The following USH2A variants were observed in gnomAD, a reference collection of about 807,000 sequenced individuals.
USH2A encodes the protein usherin.
Under a neutral mutation model 538.9 loss-of-function variants are expected in USH2A, and 443 were observed. The ratio of observed to expected loss-of-function variants is 0.82; its 90% CI spans 0.76 to 0.89. The LOEUF (loss-of-function observed/expected upper bound fraction) is 0.89, where lower values mean the gene tolerates loss of function less well. USH2A is among the 40% of genes least tolerant of loss of function. USH2A has a pLI of 0.00. For synonymous variants in USH2A, 2,413 were observed against 2,273.5 expected (o/e 1.06, Z -1.75); for missense variants, 6,633 against 6,324.8 (o/e 1.05, Z -1.65).
chr1:215,935,073 T>A lies in USH2A; in HGVS notation c.7121-278A>T, dbSNP rs1418939521. Among the ~76,000 whole-genome samples the A allele has an allele frequency of 2.0e-5, 3 of 152,166 alleles. No homozygotes were observed. In the East Asian group the frequency reaches 5.8e-4, roughly 29 times the overall value. ...TAGATAACTGTAGGATAAAGCCATATCACAAGTATCAAGCATATAAGTAAA... is the reference window on the plus strand; with the variant it reads ...TAGATAACTGTAGGATAAAGCCATAACACAAGTATCAAGCATATAAGTAAA... On this transcript the variant is annotated intron_variant, in intron 37 of 71. Coordinates refer to ENST00000307340, the MANE Select transcript of USH2A (RefSeq NM_206933.4).
At chr1:216,352,735 G>A (rs116341224) in intron 4 of USH2A, among the ~76,000 whole-genome samples, 2,710 of 152,222 alleles carry the variant, frequency 0.018, 30 homozygotes, top group Non-Finnish European at 0.028. Context: ...GGGGAAAAAT[G>A]AGGCAAGATA....
chr1:216,314,406 T>C (rs1030095312), intron 9 of USH2A, among the ~76,000 whole-genome samples: 17 of 152,132 alleles, frequency 1.1e-4, no homozygotes, highest in African/African-American at 4.1e-4. Context: ...TGAATGCTAG[T>C]TATATAAAAA....
intron 26 of USH2A, among the ~76,000 whole-genome samples, chr1:216,081,009 C>A (rs752532464): frequency 5.3e-5 from 8 of 151,796 alleles, no homozygotes; most frequent in Non-Finnish European, 7.4e-5. Context: ...ATTAGAAAAT[C>A]CTGTAAACAA....
At chr1:216,213,236 C>T (rs556562002) in intron 15 of USH2A, among the ~76,000 whole-genome samples, 1 of 152,152 alleles carries the variant, frequency 6.6e-6, no homozygotes. Flanking sequence ...GCTCTAGTAG[C>T]TTTCTTGTGA....
At chr1:216,125,542 T>C (rs1212498764) in intron 21 of USH2A, among the ~76,000 whole-genome samples, 2 of 152,222 alleles carry the variant, frequency 1.3e-5, no homozygotes, top group South Asian at 4.1e-4. Flanking sequence ...GCTTTAAACA[T>C]CAATTTTGAT....
intron 3 of USH2A, among the ~76,000 whole-genome samples, chr1:216,370,694 A>AAAAAAAAAT (rs2038696319): frequency 6.6e-6 from 1 of 150,592 alleles, no homozygotes; most frequent in Non-Finnish European, 1.5e-5. Flanking sequence ...AAAAAAAAAA[A>AAAAAAAAAT]AAAAAAAATA....
At chr1:215,831,727 G>A (rs966474868) in intron 47 of USH2A, among the ~76,000 whole-genome samples, 1 of 151,932 alleles carries the variant, frequency 6.6e-6, no homozygotes, top group Non-Finnish European at 1.5e-5. Context: ...AAGAAGAAAG[G>A]TCTCAAATCA....
intron 21 of USH2A, among the ~76,000 whole-genome samples, chr1:216,117,862 G>A (rs1314023650): frequency 7.1e-6 from 1 of 140,164 alleles, no homozygotes. Flanking sequence ...ATATATATAT[G>A]CATGTATACA....
intron 30 of USH2A, among the ~76,000 whole-genome samples, chr1:216,057,158 C>G (rs1363828692): frequency 6.6e-6 from 1 of 152,020 alleles, no homozygotes; most frequent in Non-Finnish European, 1.5e-5. Context: ...AAAAACAACT[C>G]TCTCTGAAGA....
At chr1:216,060,024 A>G (rs1048185299) in intron 30 of USH2A, among the ~76,000 whole-genome samples, 4 of 152,126 alleles carry the variant, frequency 2.6e-5, no homozygotes, top group African/African-American at 9.7e-5. Context: ...CTCTTTCTTC[A>G]CTTGCCTTGG....
chr1:215,758,452 T>C, intron 58 of USH2A, 143 bp downstream of exon 58: 1 of 949,034 alleles, frequency 1.1e-6, no homozygotes, highest in African/African-American at 1.7e-5. Context: ...CTTAGAAGTG[T>C]GGTTTAGATT....
In USH2A at chr1:216,365,004, A is replaced by C. The variant is rs2038567132; in HGVS notation, c.733T>G (p.Ser245Ala). 1 of 1,613,644 alleles carries C rather than the reference A, an allele frequency of 6.2e-7. No homozygotes were observed. The highest frequency in any genetic ancestry group is 1.1e-5 in the South Asian group (1 of 91,080). Reference protein sequence around the residue: ...TPFNARTLSGSITDFASGTVQ... With the variant: ...TPFNARTLSGAITDFASGTVQ... ...GTACCAGATGCAAAATCTGTAATTG[A>C]ACCACTTAGAGTTCTTGCATTGAAA... Residue 245 changes from serine (S) to alanine (A), a missense_variant, in exon 4 of 72, where the codon TCA becomes GCA. By Grantham distance (99) the Ser-to-Ala change is moderately conservative. Coordinates refer to ENST00000307340, the MANE Select transcript of USH2A (RefSeq NM_206933.4).
At position 215,638,984 on chromosome 1, in the gene USH2A, A is replaced by C. The variant is rs111756158; in HGVS notation, c.15052+171T>G. 0.086 allele frequency among the ~76,000 whole-genome samples: 13,065 copies of C among 151,566 alleles called. 1,607 individuals carry two copies. The highest frequency in any genetic ancestry group is 0.27 in the African/African-American group (11,212 of 41,018). On this transcript the variant is annotated intron_variant, in intron 69 of 71. Transcript: ENST00000307340. ...CAGAGCAAGACTCCGTCTCAAAAAA[A>C]AACAACAACAAAAAAAAAACAAAAA...
Position 215,900,625 on chromosome 1 carries a change from G to A in USH2A, c.7451+130C>T. 2.5e-6 allele frequency: 3 copies of A among 1,201,676 alleles called. No homozygotes were observed. The South Asian group carries it at 3.9e-5, about 16-fold the overall frequency. 74.4% of individuals were successfully genotyped at this position (1,201,676 alleles called of 1,614,324 possible). On this transcript the variant is annotated intron_variant, in intron 39 of 71. Coordinates refer to ENST00000307340, the MANE Select transcript of USH2A (RefSeq NM_206933.4). ...CAAAGCAAATGATTATCCTCTAATTGTTTGGGGTTTTTTTGTACTTTTAAA... is the reference window on the plus strand; with the variant it reads ...CAAAGCAAATGATTATCCTCTAATTATTTGGGGTTTTTTTGTACTTTTAAA...
intron 13 of USH2A, among the ~76,000 whole-genome samples, chr1:216,243,519 T>C (rs761954882): frequency 1.3e-5 from 2 of 152,160 alleles, no homozygotes. Flanking sequence ...TTTGCCAGCC[T>C]CTTTTGCAGT....
intron 21 of USH2A, among the ~76,000 whole-genome samples, chr1:216,131,597 A>G (rs1415063194): frequency 6.6e-6 from 1 of 152,072 alleles, no homozygotes; most frequent in Non-Finnish European, 1.5e-5. Flanking sequence ...GATCAACATG[A>G]TCAGTAAAGG....
At chr1:215,816,887 G>C in intron 48 of USH2A, 110 bp downstream of exon 48, 1 of 1,191,056 alleles carries the variant, frequency 8.4e-7, no homozygotes. Flanking sequence ...CTTCTTCATA[G>C]AGTAGTGGAA....
chr1:215,841,695 G>A (rs1359113353), intron 46 of USH2A, among the ~76,000 whole-genome samples: 1 of 152,138 alleles, frequency 6.6e-6, no homozygotes, highest in African/African-American at 2.4e-5. Context: ...ATTGACAAAT[G>A]GGATCTAATT....
At chr1:216,023,459 CAAAAAAAAAA>C in intron 32 of USH2A, among the ~76,000 whole-genome samples, 1 of 46,956 alleles carries the variant, frequency 2.1e-5, no homozygotes, top group African/African-American at 9.1e-5. Context: ...TCAAAGCAGA[CAAAAAAAAAA>C]AAAAAAAAAA....
Sources: gnomAD v4.1 joint callset for allele counts (sites outside exome capture counted in the v4.1 genomes callset) on GRCh38, gnomAD v4.1.1 for gene constraint, MANE v1.5 for transcripts, NCBI Gene and HGNC (gene_info 2026-07-23, HGNC 2026-07-21) for gene names.